Variants in CYLC2 observed in about 807,000 individuals in gnomAD.
CYLC2 encodes the protein cylicin 2.
Under a neutral mutation model 26.1 loss-of-function variants are expected in CYLC2, and 30 were observed. That is an observed-to-expected ratio of 1.15 (90% CI 0.86 to 1.56). CYLC2 has a LOEUF of 1.56. Ranked by LOEUF, CYLC2 falls within the 40% of genes most tolerant of loss-of-function variation. CYLC2 has a pLI of 0.00. For missense variants in CYLC2, 498 were observed against 394.4 expected, an observed-to-expected ratio of 1.26 and a Z score of -2.23; for synonymous variants, 158 against 132.8, an observed-to-expected ratio of 1.19 and a Z score of -1.31.
rs137857349 is a variant in CYLC2, at chr9:103,011,986, G to T, written c.*705G>T. 9.4e-6 allele frequency: 1 copy of T among 106,934 alleles called. No individual in the cohort carries two copies. Among genetic ancestry groups the T allele is most frequent in the Non-Finnish European group, 1.7e-5 (1 of 58,850 alleles). 6.6% of individuals were successfully genotyped at this position (106,934 alleles called of 1,614,324 possible). A position where few individuals can be genotyped will look rare whatever the true frequency, so the allele number is the denominator to read the frequency against. On this transcript the variant is annotated 3_prime_UTR_variant, in exon 6 of 8. Transcript: ENST00000374798. ...TTTTTTTTTTTTTTGATCGAGTCTCGCTCTGTTGCCCTGGCTGGAGTTCAG... is the reference window on the plus strand; with the variant it reads ...TTTTTTTTTTTTTTGATCGAGTCTCTCTCTGTTGCCCTGGCTGGAGTTCAG...
chr9:102,997,652 T>A (rs1466075133), intron 1 of CYLC2, among the ~76,000 whole-genome samples: 2 of 151,954 alleles, frequency 1.3e-5, no homozygotes, highest in African/African-American at 4.8e-5. Flanking sequence ...TATCTGGCAA[T>A]ATGCATACAA....
At chr9:103,004,642 A>C in intron 3 of CYLC2, 53 bp from the exon 4 acceptor site, 1 of 1,286,118 alleles carries the variant, frequency 7.8e-7, no homozygotes, top group Non-Finnish European at 1.1e-6. Context: ...ATATTAATAC[A>C]AACTGTGTTA....
intron 5 of CYLC2, chr9:103,010,638 T>A (rs371034878): frequency 1.6e-4 from 25 of 152,114 alleles, no homozygotes; most frequent in African/African-American, 4.8e-4. Context: ...ATCCTATGTA[T>A]CTTTATTTGC....
rs1829320594 is a variant in CYLC2, at chr9:103,004,688, C to A, written c.181-7C>A. 3 of 1,581,734 alleles carry A rather than the reference C, an allele frequency of 1.9e-6. No individual in the cohort carries two copies. Among genetic ancestry groups the A allele is most frequent in the South Asian group, 2.3e-5 (2 of 86,356 alleles). On this transcript the variant is annotated splice_polypyrimidine_tract_variant and splice_region_variant and intron_variant, in intron 3 of 7. Transcript: ENST00000374798. ...AGTTGTTCATCATTATTGTAACCATCTTTCAGATAATTGATGAAGAACAAT... is the reference window on the plus strand; with the variant it reads ...AGTTGTTCATCATTATTGTAACCATATTTCAGATAATTGATGAAGAACAAT...
At chr9:102,996,464 TC>T (rs905171882) in intron 1 of CYLC2, among the ~76,000 whole-genome samples, 4 of 151,938 alleles carry the variant, frequency 2.6e-5, no homozygotes, top group African/African-American at 9.7e-5. Context: ...ATGGTGTTAT[TC>T]TAGTGTAATC....
rs1829350676 is a variant in CYLC2, at chr9:103,006,365, A to C, written c.*687A>C. ...GTTGGATGTGCCACTTCCAATCCAAAAGAAGCACACTTGGTAAGTCAGTTT... is the reference window on the plus strand; with the variant it reads ...GTTGGATGTGCCACTTCCAATCCAACAGAAGCACACTTGGTAAGTCAGTTT... On this transcript the variant is annotated 3_prime_UTR_variant, in exon 5 of 8. Coordinates refer to ENST00000374798, the MANE Select transcript of CYLC2 (RefSeq NM_001340.5). 1 of 151,870 alleles carries C rather than the reference A, an allele frequency of 6.6e-6. No individual in the cohort carries two copies. The highest frequency in any genetic ancestry group is 1.5e-5 in the Non-Finnish European group (1 of 68,030). 9.4% of individuals were successfully genotyped at this position (151,870 alleles called of 1,614,324 possible).
At chr9:103,001,901 T>A (rs969732411) in intron 2 of CYLC2, among the ~76,000 whole-genome samples, 2 of 152,142 alleles carry the variant, frequency 1.3e-5, no homozygotes, top group African/African-American at 4.8e-5. Flanking sequence ...TGAAAAGCAA[T>A]GTAGAAATTG....
intron 3 of CYLC2, among the ~76,000 whole-genome samples, 198 bp from the exon 4 acceptor site, chr9:103,004,497 T>C (rs1326098073): frequency 6.6e-6 from 1 of 152,014 alleles, no homozygotes; most frequent in Non-Finnish European, 1.5e-5. Flanking sequence ...AAGCTCCAAA[T>C]GAGGCATGAT....
intron 1 of CYLC2, among the ~76,000 whole-genome samples, chr9:102,998,904 C>A (rs1432737061): frequency 3.3e-5 from 5 of 151,600 alleles, no homozygotes; most frequent in Admixed American, 6.6e-5. Context: ...ATATAATATT[C>A]CTTTGTATTC....
intron 4 of CYLC2, 47 bp from the exon 5 acceptor site, chr9:103,004,922 A>G (rs1362886419): frequency 1.3e-6 from 2 of 1,573,954 alleles, no homozygotes; most frequent in East Asian, 2.2e-5. Flanking sequence ...AATTTTATCA[A>G]GTTTGGATTT....
intron 5 of CYLC2, among the ~76,000 whole-genome samples, chr9:103,009,231 G>A (rs1051691959): frequency 1.4e-4 from 21 of 152,046 alleles, no homozygotes; most frequent in African/African-American, 4.8e-4. Flanking sequence ...TTGACACAGT[G>A]TCTCTCTCTG....
intron 6 of CYLC2, among the ~76,000 whole-genome samples, chr9:103,013,156 T>TATATATTATATAAATATATATTTG (rs1829428463): frequency 9.0e-6 from 1 of 111,244 alleles, no homozygotes; most frequent in Non-Finnish European, 1.7e-5. Context: ...CATATATAAA[T>TATATATTATATAAATATATATTTG]ATATATTATA....
At chr9:103,014,262 A>G (rs1829460796) in intron 6 of CYLC2, among the ~76,000 whole-genome samples, 1 of 129,516 alleles carries the variant, frequency 7.7e-6, no homozygotes, top group South Asian at 2.3e-4. Flanking sequence ...CACATAATAT[A>G]TTACATTAAA....
At chr9:103,011,362 G>T (rs1390423764) in intron 5 of CYLC2, among the ~76,000 whole-genome samples, 1 of 151,914 alleles carries the variant, frequency 6.6e-6, no homozygotes, top group African/African-American at 2.4e-5. Flanking sequence ...AAATACTTAC[G>T]TTTCATAAAA....
chr9:103,014,117 T>A (rs1287721158), intron 6 of CYLC2, among the ~76,000 whole-genome samples: 14 of 120,670 alleles, frequency 1.2e-4, no homozygotes, highest in African/African-American at 4.0e-4. Context: ...ATAAATATAT[T>A]TTATATTATA....
intron 1 of CYLC2, among the ~76,000 whole-genome samples, chr9:102,997,586 G>A (rs1441218833): frequency 1.3e-5 from 2 of 151,826 alleles, no homozygotes; most frequent in African/African-American, 4.8e-5. Context: ...TGTCTTTTAT[G>A]GTCTTCTTTT....
intron 3 of CYLC2, 48 bp from the exon 4 acceptor site, chr9:103,004,645 CTG>C (rs776445988): frequency 2.9e-5 from 37 of 1,295,336 alleles, no homozygotes; most frequent in African/African-American, 6.1e-5. Flanking sequence ...TTAATACAAA[CTG>C]TGTTATTCAC....
At chr9:103,016,202 T>C (rs1829504501) in intron 6 of CYLC2, among the ~76,000 whole-genome samples, 1 of 151,866 alleles carries the variant, frequency 6.6e-6, no homozygotes, top group South Asian at 2.1e-4. Context: ...GAAACAGACC[T>C]GATGGAGCAT....
intron 5 of CYLC2, among the ~76,000 whole-genome samples, chr9:103,007,263 A>G (rs1829362371): frequency 6.6e-6 from 1 of 152,136 alleles, no homozygotes; most frequent in South Asian, 2.1e-4. Context: ...GTCATGAGGG[A>G]GAGGTTACTA....
Sources: gnomAD v4.1 joint callset for allele counts (sites outside exome capture counted in the v4.1 genomes callset) on GRCh38, gnomAD v4.1.1 for gene constraint, MANE v1.5 for transcripts, NCBI Gene and HGNC (gene_info 2026-07-23, HGNC 2026-07-21) for gene names.